The following AKR1D1 variants were observed in gnomAD, a reference collection of about 807,000 sequenced individuals.
The protein encoded by AKR1D1 is aldo-keto reductase family 1 member D1.
A neutral mutation model predicts 42.6 loss-of-function variants in AKR1D1; 32 were observed. The observed-to-expected ratio is 0.75, with a 90% CI of 0.57 to 1.01. The LOEUF (loss-of-function observed/expected upper bound fraction) is 1.01, where lower values mean the gene tolerates loss of function less well. Ranked by LOEUF, AKR1D1 falls within the 50% of genes least tolerant of loss-of-function variation. AKR1D1 has a pLI of 0.00. For missense variants in AKR1D1, 364 were observed against 402.2 expected (o/e 0.91, Z 0.81); for synonymous variants, 123 against 135.5 (o/e 0.91, Z 0.64).
At chr7:138,113,147 T>A (rs900367975) in intron 7 of AKR1D1, among the ~76,000 whole-genome samples, 31 of 152,018 alleles carry the variant, frequency 2.0e-4, no homozygotes, top group African/African-American at 7.5e-4. Context: ...TGAAACCCCA[T>A]CTCTACAAAA....
At chr7:138,095,513 TTTTTG>T (rs58875353) in intron 3 of AKR1D1, among the ~76,000 whole-genome samples, 20,585 of 151,744 alleles carry the variant, frequency 0.14, 1,451 homozygotes, top group South Asian at 0.19. Context: ...AAAATTAAAA[TTTTTG>T]TTTTGTTTTG....
chr7:138,103,529 G>T (rs185048810), intron 4 of AKR1D1, among the ~76,000 whole-genome samples: 78 of 152,058 alleles, frequency 5.1e-4, no homozygotes, highest in Admixed American at 9.2e-4. Flanking sequence ...TATATGTATG[G>T]TTGCAATAAA....
chr7:138,088,873 T>C (rs1379319227), intron 2 of AKR1D1, 105 bp downstream of exon 2: 1 of 1,198,922 alleles, frequency 8.3e-7, no homozygotes, highest in Non-Finnish European at 1.2e-6. Context: ...CACTCATGAG[T>C]AGGCAGTACT....
intron 1 of AKR1D1, among the ~76,000 whole-genome samples, chr7:138,083,404 TTTTTG>T (rs950952442): frequency 1.5e-4 from 23 of 152,164 alleles, no homozygotes; most frequent in African/African-American, 4.3e-4. Flanking sequence ...TCTTTGGGGT[TTTTTG>T]TTTTGTTTTG....
At position 138,090,159 on chromosome 7, in the gene AKR1D1, T is replaced by C. The variant is rs187153247; in HGVS notation, c.261+1391T>C. Among the ~76,000 whole-genome samples, 42 of 152,250 alleles carry C rather than the reference T, an allele frequency of 2.8e-4. No homozygotes were observed. The East Asian group carries it at 7.9e-3, about 29-fold the overall frequency. ...ATATCAAACAGAATTTCCACTTAGA[T>C]GGGATTGCAATAGGAACACCAAAGA... On this transcript the variant is annotated intron_variant, in intron 2 of 8. Coordinates refer to ENST00000242375, the MANE Select transcript of AKR1D1 (RefSeq NM_005989.4).
At position 138,115,364 on chromosome 7, in the gene AKR1D1, C is replaced by A. The variant is rs114017127; in HGVS notation, c.939-1256C>A. Among the ~76,000 whole-genome samples the A allele has an allele frequency of 6.2e-3, 945 of 152,242 alleles. 11 individuals are homozygous for A. Among genetic ancestry groups the A allele is most frequent in the African/African-American group, 0.021 (867 of 41,544 alleles). On this transcript the variant is annotated intron_variant, in intron 8 of 8. Coordinates refer to ENST00000242375, the MANE Select transcript of AKR1D1 (RefSeq NM_005989.4). ...CGCTGAGGTGGGAGGATCACTTGGA[C>A]CCCAGACTTTGAGTGAGCTAAGGCT...
At chr7:138,086,815 A>G (rs1365619148) in intron 1 of AKR1D1, among the ~76,000 whole-genome samples, 9 of 152,250 alleles carry the variant, frequency 5.9e-5, no homozygotes, top group Non-Finnish European at 1.3e-4. Flanking sequence ...ATATGAAGTC[A>G]GCACAAATCA....
chr7:138,096,740 T>A (rs1003821619), intron 3 of AKR1D1, among the ~76,000 whole-genome samples: 41 of 152,088 alleles, frequency 2.7e-4, no homozygotes, highest in African/African-American at 9.9e-4. Context: ...TGACATCTCA[T>A]GACCCTCTCA....
At position 138,117,436 on chromosome 7, in the gene AKR1D1, T is replaced by A. The variant is rs1156687392; in HGVS notation, c.*774T>A. 6.6e-6 allele frequency: 1 copy of A among 152,586 alleles called. No homozygotes were observed. The highest frequency in any genetic ancestry group is 1.5e-5 in the Non-Finnish European group (1 of 68,044). 9.5% of individuals were successfully genotyped at this position (152,586 alleles called of 1,614,324 possible). On this transcript the variant is annotated 3_prime_UTR_variant, in exon 9 of 9. Transcript: ENST00000242375. ...GTGAAAAGGCTTGAAACAACCAACA[T>A]ATACAAATAAAACCCTGCCTTGTAA...
At position 138,101,149 on chromosome 7, in the gene AKR1D1, TTCCCTCCCTCCCTCCCTCCC is replaced by T. The variant is rs146945403; in HGVS notation, c.456+3232_456+3251del. On this transcript the variant is annotated intron_variant, in intron 4 of 8. Transcript: ENST00000242375. ...TCACCAAAATATAAGAGTGTTTTCT[TTCCCTCCCTCCCTCCCTCCC>T]TCCCTCCCTCCCTCCCTCCCTCCCT... Among the ~76,000 whole-genome samples, 72 of 96,008 alleles carry T rather than the reference TTCCCTCCCTCCCTCCCTCCC, an allele frequency of 7.5e-4. 2 individuals carry two copies. Among genetic ancestry groups the T allele is most frequent in the South Asian group, 1.7e-3 (4 of 2,340 alleles). The allele number at this position is 96,008 out of a possible 152,430, so 63.0% of individuals were successfully genotyped here.
At chr7:138,095,178 G>A (rs1412301491) in intron 3 of AKR1D1, among the ~76,000 whole-genome samples, 1 of 152,160 alleles carries the variant, frequency 6.6e-6, no homozygotes, top group East Asian at 1.9e-4. Flanking sequence ...TTAGAATCTG[G>A]GAAAGTAAAA....
intron 4 of AKR1D1, among the ~76,000 whole-genome samples, chr7:138,103,631 T>TA (rs146079442): frequency 0.098 from 14,753 of 150,582 alleles, 838 homozygotes; most frequent in East Asian, 0.18. Flanking sequence ...ACTTTACAGG[T>TA]AAAAAAAAAC....
Position 138,113,778 on chromosome 7 carries a change from T to C in AKR1D1, c.938+6T>C. The C allele has an allele frequency of 6.2e-7, 1 of 1,613,222 alleles. No individual in the cohort carries two copies. Among genetic ancestry groups the C allele is most frequent in the Non-Finnish European group, 8.5e-7 (1 of 1,179,180 alleles). On this transcript the variant is annotated splice_donor_region_variant and intron_variant, in intron 8 of 8. Coordinates refer to ENST00000242375, the MANE Select transcript of AKR1D1 (RefSeq NM_005989.4). ...CGCTTTGTAGAATTGCTCATGTAAG[T>C]TCCGGGGATCATTAATGGGTATTGA...
rs1794216346 is a variant in AKR1D1 at position 138,097,936 on chromosome 7, C to T, written c.449C>T (p.Thr150Ile). The T allele has an allele frequency of 6.2e-7, 1 of 1,608,772 alleles. No homozygotes were observed. The highest frequency in any genetic ancestry group is 8.5e-7 in the Non-Finnish European group (1 of 1,177,088). The change falls in exon 4 of 9, where the codon ACT becomes ATT. Residue 150 changes from threonine to isoleucine, a missense_variant. By Grantham distance (89) the Thr-to-Ile change is moderately conservative. Transcript: ENST00000242375. The part of the protein sequence containing the change: ...WLYHKSNLCA[T>I]WEAMEACKDA... Reference sequence around the variant, plus strand: ...TATCACAAGTCAAATCTGTGTGCCACTTGGGAGGTAAGTTCAAATGTGCTT... The same window carrying T: ...TATCACAAGTCAAATCTGTGTGCCATTTGGGAGGTAAGTTCAAATGTGCTT...
In AKR1D1 at chr7:138,117,864, A is replaced by G. The variant is rs1319702610; in HGVS notation, c.*1202A>G. Reference sequence around the variant, plus strand: ...GAAACCCCGTCTCTACTAAAAATACAAAAAATTAGCCAGGCGCGGTGGCGG... The same window carrying G: ...GAAACCCCGTCTCTACTAAAAATACGAAAAATTAGCCAGGCGCGGTGGCGG... On this transcript the variant is annotated 3_prime_UTR_variant, in exon 9 of 9. Transcript: ENST00000242375. The G allele has an allele frequency of 6.6e-6, 1 of 152,102 alleles. No homozygotes were observed. Among genetic ancestry groups the G allele is most frequent in the Non-Finnish European group, 1.5e-5 (1 of 68,052 alleles). The allele number at this position is 152,102 out of a possible 1,614,324, so 9.4% of individuals were successfully genotyped here.
At chr7:138,111,751 A>T in intron 7 of AKR1D1, among the ~76,000 whole-genome samples, 1 of 152,250 alleles carries the variant, frequency 6.6e-6, no homozygotes, top group East Asian at 1.9e-4. Context: ...ACCAAAGTTT[A>T]TGAAAGTAAG....
At chr7:138,078,440 T>C (rs2117407928) in intron 1 of AKR1D1, among the ~76,000 whole-genome samples, 1 of 152,282 alleles carries the variant, frequency 6.6e-6, no homozygotes, top group Admixed American at 6.5e-5. Context: ...TGGATCACAA[T>C]CCCACATTCC....
At chr7:138,098,575 A>G (rs1166553276) in intron 4 of AKR1D1, among the ~76,000 whole-genome samples, 1 of 152,164 alleles carries the variant, frequency 6.6e-6, no homozygotes, top group African/African-American at 2.4e-5. Flanking sequence ...ATGCCACTGC[A>G]CTCCAGCCTG....
At chr7:138,100,088 C>CAAAAAAAAAAAAAAAA (rs59361346) in intron 4 of AKR1D1, among the ~76,000 whole-genome samples, 29 of 43,568 alleles carry the variant, frequency 6.7e-4, no homozygotes, top group South Asian at 1.7e-3. Context: ...GATTTCATCT[C>CAAAAAAAAAAAAAAAA]AAAAAAAAAA....
Sources: gnomAD v4.1 joint callset for allele counts (sites outside exome capture counted in the v4.1 genomes callset) on GRCh38, gnomAD v4.1.1 for gene constraint, MANE v1.5 for transcripts, NCBI Gene and HGNC (gene_info 2026-07-23, HGNC 2026-07-21) for gene names.